The following TAMM41 variants were observed in gnomAD, a reference collection of about 807,000 sequenced individuals.
The protein encoded by TAMM41 is TAM41 mitochondrial translocator assembly and maintenance homolog.
A neutral mutation model predicts 44.1 loss-of-function variants in TAMM41; 36 were observed. That is an observed-to-expected ratio of 0.82 (90% confidence interval 0.63 to 1.08). TAMM41 has a LOEUF of 1.08. Ranked by LOEUF, TAMM41 falls within the 50% of genes least tolerant of loss-of-function variation. The probability of loss-of-function intolerance (pLI) is 0.00; values close to 1 mark genes in which losing one functional copy is unlikely to be tolerated. For synonymous variants in TAMM41, 164 were observed against 153.1 expected (o/e 1.07, Z -0.53); for missense variants, 417 against 404.3 (o/e 1.03, Z -0.27).
the TAMM41 span, among the ~76,000 whole-genome samples, chr3:11,758,357 G>T: frequency 8.7e-6 from 1 of 115,318 alleles, no homozygotes; most frequent in African/African-American, 2.7e-5. Flanking sequence ...GTATTGTTTT[G>T]TTTTGTTTTT....
At chr3:11,729,135 G>A in the TAMM41 span, among the ~76,000 whole-genome samples, 1 of 152,056 alleles carries the variant, frequency 6.6e-6, no homozygotes, top group Admixed American at 6.6e-5. Flanking sequence ...TGGCCAGAAG[G>A]ATTGCTCAGA....
chr3:11,839,846 AG>A (rs2125060319), intron 2 of TAMM41, among the ~76,000 whole-genome samples: 1 of 152,336 alleles, frequency 6.6e-6, no homozygotes, highest in Non-Finnish European at 1.5e-5. Flanking sequence ...CTTACTGCTC[AG>A]GAGACATGTG....
intron 7 of TAMM41, among the ~76,000 whole-genome samples, chr3:11,798,439 T>C (rs1256540942): frequency 6.6e-6 from 1 of 151,424 alleles, no homozygotes; most frequent in Non-Finnish European, 1.5e-5. Flanking sequence ...CAAGTAGGAG[T>C]TAAATGATGA....
chr3:11,814,154 G>C (rs2078196702), intron 5 of TAMM41, among the ~76,000 whole-genome samples: 1 of 151,734 alleles, frequency 6.6e-6, no homozygotes, highest in African/African-American at 2.4e-5. Context: ...CTGTAGCCTA[G>C]GTGACAGAGT....
chr3:11,804,806 G>A (rs926534103), intron 7 of TAMM41, among the ~76,000 whole-genome samples: 4 of 152,122 alleles, frequency 2.6e-5, no homozygotes, highest in South Asian at 4.2e-4. Flanking sequence ...TAGTTCAGCA[G>A]ATGTGACACA....
At chr3:11,760,313 T>A in the TAMM41 span, among the ~76,000 whole-genome samples, 12 of 152,186 alleles carry the variant, frequency 7.9e-5, no homozygotes, top group Non-Finnish European at 1.3e-4. Flanking sequence ...CTAAAATCCT[T>A]AAAGCACTAA....
chr3:11,728,865 A>G, the TAMM41 span, among the ~76,000 whole-genome samples: 1 of 152,074 alleles, frequency 6.6e-6, no homozygotes, highest in Non-Finnish European at 1.5e-5. Flanking sequence ...AAAAATAGCC[A>G]GGTGTGATGG....
rs2078317242 is a variant in TAMM41, at chr3:11,817,259, TC to T, written c.640del (p.Glu214SerfsTer24). 1.2e-6 allele frequency: 2 copies of T among 1,613,616 alleles called. No individual in the cohort carries two copies. Among genetic ancestry groups the T allele is most frequent in the Non-Finnish European group, 1.7e-6 (2 of 1,179,580 alleles). ...TTCCTGTAGTATGCTGCCATAGAGC[TC>T]TCGAAAGTGGGCTATATTGGGCTTC... The part of the protein sequence containing the change: ...IVKPNIAHFR[E>X]LYGSILQENP... On this transcript the variant is annotated frameshift_variant, in exon 5 of 8. Transcript: ENST00000455809. LOFTEE classifies it high-confidence loss of function.
At chr3:11,780,693 G>A in the TAMM41 span, among the ~76,000 whole-genome samples, 1 of 152,180 alleles carries the variant, frequency 6.6e-6, no homozygotes, top group Admixed American at 6.5e-5. Context: ...CCAGTTTCCT[G>A]TCACTTTGAG....
the TAMM41 span, among the ~76,000 whole-genome samples, chr3:11,727,138 A>C: frequency 6.6e-6 from 1 of 152,204 alleles, no homozygotes; most frequent in Non-Finnish European, 1.5e-5. Flanking sequence ...TTCTATTGTA[A>C]GGTAGGAACT....
At chr3:11,732,885 A>G in the TAMM41 span, among the ~76,000 whole-genome samples, 1 of 152,158 alleles carries the variant, frequency 6.6e-6, no homozygotes, top group Non-Finnish European at 1.5e-5. Flanking sequence ...AAATTCAAGA[A>G]AAACCTGGGA....
At chr3:11,727,546 C>A in the TAMM41 span, among the ~76,000 whole-genome samples, 1 of 152,210 alleles carries the variant, frequency 6.6e-6, no homozygotes, top group African/African-American at 2.4e-5. Context: ...CTCACTGCAG[C>A]CTCCACCGCC....
At chr3:11,755,489 C>A in the TAMM41 span, among the ~76,000 whole-genome samples, 38 of 152,196 alleles carry the variant, frequency 2.5e-4, no homozygotes, top group Admixed American at 2.0e-4. Flanking sequence ...GTGCTTCAAG[C>A]ACTGGAGTCA....
At chr3:11,788,571 G>A (rs1029795762), downstream of TAMM41, among the ~76,000 whole-genome samples, 1 of 152,164 alleles carries the variant, frequency 6.6e-6, no homozygotes, top group Non-Finnish European at 1.5e-5. Flanking sequence ...TTCCAAGCAT[G>A]AGCCACCATG....
At chr3:11,807,753 CA>C in intron 7 of TAMM41, 79 bp downstream of exon 7, 2 of 1,536,088 alleles carry the variant, frequency 1.3e-6, no homozygotes, top group Non-Finnish European at 1.7e-6. Flanking sequence ...CTAAAAGATA[CA>C]AAGCTTTACA....
At chr3:11,777,412 T>C in the TAMM41 span, among the ~76,000 whole-genome samples, 1 of 152,252 alleles carries the variant, frequency 6.6e-6, no homozygotes, top group Non-Finnish European at 1.5e-5. Context: ...ATTAATGTTT[T>C]AACCAACCAA....
At chr3:11,739,307 C>T in the TAMM41 span, among the ~76,000 whole-genome samples, 9 of 152,132 alleles carry the variant, frequency 5.9e-5, no homozygotes, top group Non-Finnish European at 1.0e-4. Context: ...AATCCATATC[C>T]ACTCTCCCCT....
chr3:11,817,064 T>TAC, intron 5 of TAMM41, 128 bp downstream of exon 5: 1 of 971,626 alleles, frequency 1.0e-6, no homozygotes, highest in Non-Finnish European at 1.5e-6. Flanking sequence ...AGCCTATGTT[T>TAC]ACATACAGTA....
At chr3:11,836,105 C>G (rs2079162839) in intron 3 of TAMM41, among the ~76,000 whole-genome samples, 2 of 151,852 alleles carry the variant, frequency 1.3e-5, no homozygotes, top group South Asian at 4.2e-4. Flanking sequence ...ATTCTCCTGC[C>G]TCAGCCTCCC....
Sources: allele counts gnomAD v4.1 joint callset (sites outside exome capture counted in the v4.1 genomes callset), GRCh38; gene constraint gnomAD v4.1.1; transcripts MANE v1.5; gene names NCBI Gene and HGNC (gene_info 2026-07-23, HGNC 2026-07-21).